MGAT4C: variants seen among roughly 807,000 people sequenced by gnomAD.
MGAT4C encodes the protein alpha-1,3-mannosyl-glycoprotein 4-beta-N-acetylglucosaminyltransferase C.
MGAT4C carries 19 observed loss-of-function variants against 40.1 expected under a neutral mutation model. The ratio of observed to expected loss-of-function variants is 0.47; its 90% CI spans 0.33 to 0.70. The LOEUF (loss-of-function observed/expected upper bound fraction) is 0.70, where lower values mean the gene tolerates loss of function less well. Ranked by LOEUF, MGAT4C falls within the 30% of genes least tolerant of loss-of-function variation. The pLI, the probability that MGAT4C is intolerant of heterozygous loss-of-function variation, is 0.02. For missense variants in MGAT4C, 491 were observed against 563.2 expected (o/e 0.87, Z 1.30); for synonymous variants, 181 against 187.1 (o/e 0.97, Z 0.27).
At chr12:86,448,485 T>G (rs1957374700) in intron 2 of MGAT4C, among the ~76,000 whole-genome samples, 1 of 152,206 alleles carries the variant, frequency 6.6e-6, no homozygotes, top group South Asian at 2.1e-4. Context: ...TGCATTGTTT[T>G]GAAATGAAAA....
At chr12:86,758,721 G>A (rs1951349467) in intron 1 of MGAT4C, among the ~76,000 whole-genome samples, 1 of 151,910 alleles carries the variant, frequency 6.6e-6, no homozygotes, top group South Asian at 2.1e-4. Context: ...TATATATGGT[G>A]GTTATTTTGT....
chr12:86,686,751 G>C (rs1343134217), intron 2 of MGAT4C, among the ~76,000 whole-genome samples: 1 of 152,192 alleles, frequency 6.6e-6, no homozygotes, highest in African/African-American at 2.4e-5. Context: ...ATTTTATTGA[G>C]AATTTTCACA....
rs12307254 is a variant in MGAT4C, at chr12:86,789,155, T to C, written c.-262+49511A>G. On this transcript the variant is annotated intron_variant, in intron 1 of 7. Coordinates refer to the MGAT4C transcript ENST00000548651. Reference sequence around the variant, plus strand: ...GTCAACTGACTTATATGTTAGGTATTCACGACACTTCTTGCTAACATTAAA... The same window carrying C: ...GTCAACTGACTTATATGTTAGGTATCCACGACACTTCTTGCTAACATTAAA... 5.0e-3 allele frequency among the ~76,000 whole-genome samples: 760 copies of C among 152,242 alleles called. 9 individuals carry two copies. Among genetic ancestry groups the C allele is most frequent in the African/African-American group, 0.018 (728 of 41,568 alleles).
intron 1 of MGAT4C, among the ~76,000 whole-genome samples, chr12:86,750,791 C>G (rs925472726): frequency 4.6e-5 from 7 of 151,844 alleles, no homozygotes; most frequent in Non-Finnish European, 7.4e-5. Flanking sequence ...TTTTATTTTA[C>G]CAACTCTAGT....
intron 4 of MGAT4C, 98 bp downstream of exon 4, chr12:85,983,425 T>A: frequency 9.0e-7 from 1 of 1,116,812 alleles, no homozygotes; most frequent in Non-Finnish European, 1.2e-6. Context: ...ATTATATTAG[T>A]AAAGCCCTTA....
chr12:86,493,800 T>TAATAAAATAA lies in MGAT4C; in HGVS notation c.-228-58545_-228-58536dup, dbSNP rs1206693119. On this transcript the variant is annotated intron_variant, in intron 2 of 7. Transcript: ENST00000548651. ...TACCCTAAAACTTGAAGTATAATAA[T>TAATAAAATAA]AATAAAATAAAATAAAATAAAATAA... Among the ~76,000 whole-genome samples, 3 of 151,774 alleles carry TAATAAAATAA rather than the reference T, an allele frequency of 2.0e-5. No individual in the cohort carries two copies. The South Asian group carries it at 6.2e-4, about 32-fold the overall frequency.
Position 86,546,704 on chromosome 12 carries a change from T to A in MGAT4C, c.-228-111439A>T, listed in dbSNP as rs574956891. Among the ~76,000 whole-genome samples, 9 of 152,210 alleles carry A rather than the reference T, an allele frequency of 5.9e-5. No individual in the cohort carries two copies. The South Asian group carries it at 1.9e-3, about 32-fold the overall frequency. On this transcript the variant is annotated intron_variant, in intron 2 of 7. Transcript: ENST00000548651. The stretch of plus-strand genomic sequence containing the variant: ...TTAAAAATTGTATTTTTTTCTAAGC[T>A]GTAAGTACATGGACACAAATAGAAA...
intron 2 of MGAT4C, among the ~76,000 whole-genome samples, chr12:86,612,358 CT>C (rs1435745489): frequency 5.9e-5 from 9 of 152,166 alleles, no homozygotes; most frequent in Non-Finnish European, 1.2e-4. Flanking sequence ...TGTTCTTCAT[CT>C]TCCATAGATG....
chr12:86,708,401 G>A (rs1334757767), intron 2 of MGAT4C, among the ~76,000 whole-genome samples: 1 of 152,234 alleles, frequency 6.6e-6, no homozygotes. Flanking sequence ...TTTGCTGCAA[G>A]GGTGGGGCCC....
intron 2 of MGAT4C, among the ~76,000 whole-genome samples, chr12:86,636,846 C>A (rs907147726): frequency 2.6e-5 from 4 of 151,836 alleles, no homozygotes; most frequent in Admixed American, 1.3e-4. Context: ...CAAAGTAAAT[C>A]ATTTACATGG....
chr12:86,797,793 T>C (rs1377817314), intron 1 of MGAT4C, among the ~76,000 whole-genome samples: 1 of 151,982 alleles, frequency 6.6e-6, no homozygotes, highest in Non-Finnish European at 1.5e-5. Context: ...ATCTTTGATA[T>C]TTGAACCTCT....
Position 86,290,798 on chromosome 12 carries a change from C to T in MGAT4C, c.-57+43267G>A, listed in dbSNP as rs73398184. On this transcript the variant is annotated intron_variant, in intron 4 of 7. Transcript: ENST00000548651. ...TGGTAACTTGGAAGGCAGACCAAAG[C>T]TGACTCAGTTTATAGGTCTAAAAGT... 4.2e-3 allele frequency among the ~76,000 whole-genome samples: 636 copies of T among 151,886 alleles called. 5 individuals are homozygous for T. The highest frequency in any genetic ancestry group is 0.015 in the African/African-American group (611 of 41,400).
At chr12:86,603,313 G>C (rs905978953) in intron 2 of MGAT4C, among the ~76,000 whole-genome samples, 5 of 133,668 alleles carry the variant, frequency 3.7e-5, no homozygotes, top group East Asian at 4.2e-4. Context: ...TAATTATATA[G>C]TATATATATA....
At chr12:86,031,556 A>G (rs1350582928) in intron 2 of MGAT4C, among the ~76,000 whole-genome samples, 1 of 151,820 alleles carries the variant, frequency 6.6e-6, no homozygotes, top group East Asian at 1.9e-4. Context: ...AGACATGAAA[A>G]TAGGAATTTT....
At position 86,456,952 on chromosome 12, in the gene MGAT4C, C is replaced by A. The variant is rs1218994882; in HGVS notation, c.-228-21687G>T. On this transcript the variant is annotated intron_variant, in intron 2 of 7. Coordinates refer to the MGAT4C transcript ENST00000548651. The stretch of plus-strand genomic sequence containing the variant: ...TGCACTCAACTAGCTTTGAAAGACA[C>A]CCCCAGGGAGCATTTTCAAAAGCCG... Among the ~76,000 whole-genome samples, 5 of 152,044 alleles carry A rather than the reference C, an allele frequency of 3.3e-5. No individual in the cohort carries two copies. In the East Asian group the frequency reaches 5.8e-4, roughly 18 times the overall value.
At chr12:86,452,902 G>A (rs1957450196) in intron 2 of MGAT4C, among the ~76,000 whole-genome samples, 1 of 152,116 alleles carries the variant, frequency 6.6e-6, no homozygotes, top group Non-Finnish European at 1.5e-5. Flanking sequence ...GAGAATGGAG[G>A]TAAATGATGG....
intron 1 of MGAT4C, among the ~76,000 whole-genome samples, chr12:86,155,513 TA>T (rs1467895142): frequency 2.0e-5 from 3 of 152,038 alleles, no homozygotes; most frequent in Admixed American, 2.0e-4. Context: ...TAAAGGAAAA[TA>T]AATAATTAAA....
At chr12:86,695,396 G>C (rs1950238332) in intron 2 of MGAT4C, among the ~76,000 whole-genome samples, 1 of 152,200 alleles carries the variant, frequency 6.6e-6, no homozygotes, top group African/African-American at 2.4e-5. Flanking sequence ...GCTAACATAT[G>C]ATCCAGCAAT....
intron 4 of MGAT4C, among the ~76,000 whole-genome samples, chr12:86,313,987 T>C (rs899486383): frequency 3.3e-5 from 5 of 152,224 alleles, no homozygotes; most frequent in Non-Finnish European, 7.3e-5. Flanking sequence ...TCTGCTTCAA[T>C]GAATTAAACT....
Sources: allele counts gnomAD v4.1 joint callset (sites outside exome capture counted in the v4.1 genomes callset), GRCh38; gene constraint gnomAD v4.1.1; transcripts MANE v1.5; gene names NCBI Gene and HGNC (gene_info 2026-07-23, HGNC 2026-07-21).